RASSF4: variants seen among roughly 807,000 people sequenced by gnomAD.
RASSF4 encodes the protein ras association domain-containing protein 4.
Under a neutral mutation model 41.1 loss-of-function variants are expected in RASSF4, and 38 were observed. The ratio of observed to expected loss-of-function variants is 0.92; its 90% CI spans 0.71 to 1.21. RASSF4 has a LOEUF of 1.21. Among genes scored for constraint, RASSF4 ranks in the 50% most tolerant of loss-of-function variants. The probability of loss-of-function intolerance (pLI) is 0.00; values close to 1 mark genes in which losing one functional copy is unlikely to be tolerated. For missense variants in RASSF4, 414 were observed against 419.4 expected, an observed-to-expected ratio of 0.99 and a Z score of 0.11; for synonymous variants, 179 against 163.4, an observed-to-expected ratio of 1.10 and a Z score of -0.73.
intron 1 of RASSF4, among the ~76,000 whole-genome samples, chr10:44,960,782 AGGTTAGACTCCAAAGCTAT>A (rs2132756328): frequency 6.6e-6 from 1 of 152,358 alleles, no homozygotes; most frequent in South Asian, 2.1e-4. Context: ...GAACCCAAGC[AGGTTAGACTCCAAAGCTAT>A]GCTTTGCACT....
At chr10:44,977,678 C>T (rs1231639786) in intron 3 of RASSF4, 1 of 1,612,778 alleles carries the variant, frequency 6.2e-7, no homozygotes, top group Non-Finnish European at 8.5e-7. Flanking sequence ...GTCCCTCTGG[C>T]TTGGCTGCTT....
chr10:44,991,256 C>T (rs1035081689), intron 9 of RASSF4, 187 bp downstream of exon 9: 1 of 466,908 alleles, frequency 2.1e-6, no homozygotes, highest in African/African-American at 1.9e-5. Context: ...TGACCGCCAG[C>T]ACCAGCAGCT....
intron 3 of RASSF4, among the ~76,000 whole-genome samples, chr10:44,979,172 T>C (rs1841594966): frequency 6.6e-6 from 1 of 152,094 alleles, no homozygotes; most frequent in Non-Finnish European, 1.5e-5. Flanking sequence ...CTTGGCAACT[T>C]TGATGAAAAA....
At position 44,971,670 on chromosome 10, in the gene RASSF4, A is replaced by G. The variant is rs777203573; in HGVS notation, c.63-103A>G. ...CCTGGCCGGCGAGAAGGGTGCTGTC[A>G]CACTCCTGTTACAAATGAGGAAACA... On this transcript the variant is annotated intron_variant, in intron 2 of 10. Coordinates refer to ENST00000340258, the MANE Select transcript of RASSF4 (RefSeq NM_032023.4). 4 of 895,352 alleles carry G rather than the reference A, an allele frequency of 4.5e-6. No individual in the cohort carries two copies. The East Asian group carries it at 9.6e-5, about 22-fold the overall frequency. 55.5% of individuals were successfully genotyped at this position (895,352 alleles called of 1,614,324 possible).
At chr10:44,988,717 G>A (rs776484947) in intron 6 of RASSF4, among the ~76,000 whole-genome samples, 4 of 152,218 alleles carry the variant, frequency 2.6e-5, no homozygotes, top group African/African-American at 9.6e-5. Flanking sequence ...GAAGGGAGCC[G>A]AGACTGTATG....
At chr10:44,977,726 A>G (rs1387546054) in intron 3 of RASSF4, 3 of 1,610,764 alleles carry the variant, frequency 1.9e-6, no homozygotes, top group Non-Finnish European at 2.5e-6. Flanking sequence ...CAGGGGGTCC[A>G]CAGTATCAGC....
At chr10:44,989,177 C>G in intron 6 of RASSF4, 97 bp from the exon 7 acceptor site, 2 of 726,632 alleles carry the variant, frequency 2.8e-6, no homozygotes, top group East Asian at 2.5e-5. Context: ...GTTCCCAGAT[C>G]TCAGCGTCAC....
At chr10:44,984,213 C>A in intron 5 of RASSF4, 100 bp downstream of exon 5, 1 of 1,225,480 alleles carries the variant, frequency 8.2e-7, no homozygotes, top group Non-Finnish European at 1.1e-6. Flanking sequence ...AGCTTTGTGC[C>A]CCAGCCAACG....
At chr10:44,981,430 C>T (rs1841703746) in intron 3 of RASSF4, 2 of 152,250 alleles carry the variant, frequency 1.3e-5, no homozygotes, top group South Asian at 2.1e-4. Context: ...GTGAACAATA[C>T]AGTATTGTGC....
At chr10:44,967,642 G>A (rs1380803329) in intron 1 of RASSF4, among the ~76,000 whole-genome samples, 1 of 152,250 alleles carries the variant, frequency 6.6e-6, no homozygotes, top group Non-Finnish European at 1.5e-5. Context: ...AGCTTTGGAA[G>A]AGTAGACTTG....
chr10:44,988,985 C>T (rs1162246218), intron 6 of RASSF4, among the ~76,000 whole-genome samples: 1 of 152,210 alleles, frequency 6.6e-6, no homozygotes, highest in African/African-American at 2.4e-5. Context: ...GAGACTGATT[C>T]CCCCACCCTT....
chr10:44,984,617 GGTT>G lies in RASSF4; in HGVS notation c.374-195_374-193del, dbSNP rs1841846960. The stretch of plus-strand genomic sequence containing the variant: ...TATGGCCATGTGACATTGTGACCCA[GGTT>G]ACCCTGTCTGGGTCTCACCTTCCTA... On this transcript the variant is annotated intron_variant, in intron 5 of 10. Transcript: ENST00000340258. 7.8e-6 allele frequency: 5 copies of G among 643,556 alleles called. No individual in the cohort carries two copies. The African/African-American group carries it at 9.1e-5, about 12-fold the overall frequency. 39.9% of individuals were successfully genotyped at this position (643,556 alleles called of 1,614,324 possible). A position where few individuals can be genotyped will look rare whatever the true frequency, so the allele number is the denominator to read the frequency against.
chr10:44,973,177 TCATGCTCACTTCTGTG>T (rs1247462193), intron 3 of RASSF4, among the ~76,000 whole-genome samples: 1 of 152,270 alleles, frequency 6.6e-6, no homozygotes, highest in Non-Finnish European at 1.5e-5. Flanking sequence ...TCCCACCTCC[TCATGCTCACTTCTGTG>T]ACACCTGTCT....
At chr10:44,989,592 AGT>A (rs1842036829) in intron 7 of RASSF4, 76 bp from the exon 8 acceptor site, 1 of 1,281,072 alleles carries the variant, frequency 7.8e-7, no homozygotes, top group African/African-American at 1.5e-5. Flanking sequence ...CTGGGGGTGT[AGT>A]TACTGTCAGG....
chr10:44,979,973 A>G (rs528018115), intron 3 of RASSF4, among the ~76,000 whole-genome samples: 122 of 152,190 alleles, frequency 8.0e-4, no homozygotes, highest in African/African-American at 2.8e-3. Flanking sequence ...CAAGGATGAG[A>G]GAGGCAGCCC....
chr10:44,993,169 G>T, intron 10 of RASSF4, 100 bp from the exon 11 acceptor site: 1 of 965,614 alleles, frequency 1.0e-6, no homozygotes, highest in Non-Finnish European at 1.6e-6. Context: ...GGCTGCTGCA[G>T]GGATCTCCTG....
intron 3 of RASSF4, 188 bp from the exon 4 acceptor site, chr10:44,982,333 G>T: frequency 1.4e-6 from 1 of 723,140 alleles, no homozygotes; most frequent in Non-Finnish European, 2.4e-6. Flanking sequence ...CACATCTCAG[G>T]CTCCCTCCCA....
intron 3 of RASSF4, among the ~76,000 whole-genome samples, chr10:44,974,228 C>T (rs1046844862): frequency 2.0e-4 from 30 of 152,240 alleles, no homozygotes; most frequent in African/African-American, 7.2e-4. Flanking sequence ...TCCTCAGGCA[C>T]CACAGGCCCC....
chr10:44,975,113 G>A (rs1358061384), intron 3 of RASSF4, among the ~76,000 whole-genome samples: 1 of 152,056 alleles, frequency 6.6e-6, no homozygotes, highest in African/African-American at 2.4e-5. Flanking sequence ...AGGCTCCGGG[G>A]CGCCCCCTGG....
Sources: gnomAD v4.1 joint callset for allele counts (sites outside exome capture counted in the v4.1 genomes callset) on GRCh38, gnomAD v4.1.1 for gene constraint, MANE v1.5 for transcripts, NCBI Gene and HGNC (gene_info 2026-07-23, HGNC 2026-07-21) for gene names.